CLASP2: variants seen among roughly 807,000 people sequenced by gnomAD.
CLASP2 encodes cytoplasmic linker associated protein 2.
In CLASP2, 47 loss-of-function variants were observed where a neutral mutation model predicts 194.4. The ratio of observed to expected loss-of-function variants is 0.24; its 90% CI spans 0.19 to 0.31. The LOEUF (loss-of-function observed/expected upper bound fraction) is 0.31. Ranked by LOEUF, CLASP2 falls within the 10% of genes least tolerant of loss-of-function variation. The pLI is 1.00. For synonymous variants in CLASP2, 619 were observed against 633.5 expected, an observed-to-expected ratio of 0.98 and a Z score of 0.34; for missense variants, 1,445 against 1,823.6, an observed-to-expected ratio of 0.79 and a Z score of 3.78.
rs372366858 is a variant in CLASP2 at position 33,645,134 on chromosome 3, T to C, written c.716-231A>G. On this transcript the variant is annotated intron_variant, in intron 7 of 38. Coordinates refer to ENST00000682230, the MANE Select transcript of CLASP2 (RefSeq NM_001365631.1). Reference sequence around the variant, plus strand: ...TTTTCATACTTCTTACTTATACATATTAAGTCAAAACATAAAACATTTTAA... The same window carrying C: ...TTTTCATACTTCTTACTTATACATACTAAGTCAAAACATAAAACATTTTAA... 1.4e-5 allele frequency: 10 copies of C among 694,468 alleles called. No homozygotes were observed. Among genetic ancestry groups the C allele is most frequent in the South Asian group, 6.4e-5 (4 of 62,684 alleles). The allele number at this position is 694,468 out of a possible 1,614,324, so 43.0% of individuals were successfully genotyped here.
chr3:33,529,951 G>A (rs2055772477), intron 34 of CLASP2, among the ~76,000 whole-genome samples: 1 of 131,404 alleles, frequency 7.6e-6, no homozygotes, highest in Non-Finnish European at 1.5e-5. Context: ...GCGGTCCGCA[G>A]TCCGGGCTGG....
chr3:33,581,962 G>A (rs2066255367), intron 22 of CLASP2, 34 bp from the exon 23 acceptor site: 1 of 1,438,538 alleles, frequency 7.0e-7, no homozygotes, highest in East Asian at 2.3e-5. Flanking sequence ...ACACAGTAAG[G>A]GAGAAAACAG....
intron 24 of CLASP2, among the ~76,000 whole-genome samples, chr3:33,575,607 G>A (rs972153344): frequency 3.2e-4 from 48 of 152,092 alleles, no homozygotes; most frequent in African/African-American, 8.9e-4. Flanking sequence ...CAAAAACAAC[G>A]ATATATGTAT....
chr3:33,565,917 AGTT>A (rs1381987993), intron 27 of CLASP2, among the ~76,000 whole-genome samples: 1 of 152,050 alleles, frequency 6.6e-6, no homozygotes, highest in Admixed American at 6.5e-5. Context: ...GGCTATTAGT[AGTT>A]ATGTTTTGGG....
intron 22 of CLASP2, among the ~76,000 whole-genome samples, chr3:33,583,408 T>G (rs577896273): frequency 8.5e-5 from 13 of 152,290 alleles, no homozygotes; most frequent in African/African-American, 2.6e-4. Context: ...ACAGGAACAC[T>G]CTCCTTCAAG....
chr3:33,624,166 C>A (rs1180242732), intron 10 of CLASP2, among the ~76,000 whole-genome samples: 1 of 152,060 alleles, frequency 6.6e-6, no homozygotes, highest in Non-Finnish European at 1.5e-5. Context: ...CACTTAGAAG[C>A]TAAAAGTCTA....
At chr3:33,567,777 T>C (rs183709708) in intron 26 of CLASP2, among the ~76,000 whole-genome samples, 2 of 152,184 alleles carry the variant, frequency 1.3e-5, no homozygotes, top group Non-Finnish European at 2.9e-5. Context: ...AGCTCCACTA[T>C]CCATACCTGT....
At chr3:33,604,034 T>C (rs1385029754) in intron 17 of CLASP2, 120 bp downstream of exon 17, 9 of 701,416 alleles carry the variant, frequency 1.3e-5, no homozygotes, top group Non-Finnish European at 2.0e-5. Flanking sequence ...ACAGTGCATA[T>C]GTGTGGTACT....
chr3:33,717,042 C>T (rs2093330751), intron 1 of CLASP2, among the ~76,000 whole-genome samples: 1 of 152,202 alleles, frequency 6.6e-6, no homozygotes, highest in African/African-American at 2.4e-5. Context: ...GGCCTCCCAA[C>T]GCGGCTACAT....
intron 34 of CLASP2, among the ~76,000 whole-genome samples, chr3:33,521,046 G>A (rs1236505038): frequency 6.6e-6 from 1 of 152,158 alleles, no homozygotes; most frequent in African/African-American, 2.4e-5. Flanking sequence ...CAGAATGCAA[G>A]GATGGGGACA....
intron 37 of CLASP2, chr3:33,504,106 G>A (rs990275231): frequency 6.6e-6 from 1 of 152,138 alleles, no homozygotes; most frequent in African/African-American, 2.4e-5. Flanking sequence ...TTGCAAGAAT[G>A]TTCTCCCATA....
chr3:33,631,651 T>C (rs1010011248), intron 9 of CLASP2, among the ~76,000 whole-genome samples: 3 of 150,572 alleles, frequency 2.0e-5, no homozygotes, highest in Admixed American at 6.7e-5. Flanking sequence ...GAGCCAAGAC[T>C]GTGCCACTGC....
chr3:33,673,214 G>A (rs1575480115), intron 6 of CLASP2, among the ~76,000 whole-genome samples: 1 of 152,230 alleles, frequency 6.6e-6, no homozygotes, highest in African/African-American at 2.4e-5. Context: ...TACCCACTAA[G>A]GGAAGCCCAA....
chr3:33,716,566 A>C (rs2093311543), intron 1 of CLASP2, among the ~76,000 whole-genome samples: 2 of 152,222 alleles, frequency 1.3e-5, no homozygotes, highest in African/African-American at 4.8e-5. Flanking sequence ...CTGTAGCATA[A>C]AATCAACTAT....
intron 12 of CLASP2, 49 bp from the exon 13 acceptor site, chr3:33,612,120 G>T: frequency 2.6e-6 from 3 of 1,158,026 alleles, no homozygotes; most frequent in African/African-American, 1.5e-5. Flanking sequence ...CACTTCATGT[G>T]GTCCTTTCTT....
rs1432396923 is a variant in CLASP2 at position 33,619,600 on chromosome 3, T to C, written c.1317+3A>G. The stretch of plus-strand genomic sequence containing the variant: ...GCAGTAGAAAACGAGAGAGCAAACC[T>C]ACCCGAATGATAAATCTGATTGCTG... On this transcript the variant is annotated splice_donor_region_variant and intron_variant, in intron 12 of 38. Transcript: ENST00000682230. 6.5e-7 allele frequency: 1 copy of C among 1,547,662 alleles called. No individual in the cohort carries two copies. The highest frequency in any genetic ancestry group is 2.0e-5 in the Admixed American group (1 of 50,350).
chr3:33,712,334 T>C (rs1262555188), intron 1 of CLASP2, among the ~76,000 whole-genome samples: 2 of 151,994 alleles, frequency 1.3e-5, no homozygotes, highest in African/African-American at 2.4e-5. Context: ...AATGATAAAA[T>C]AAACTTTGGG....
chr3:33,604,905 T>A (rs577922552), intron 16 of CLASP2, among the ~76,000 whole-genome samples: 1 of 152,298 alleles, frequency 6.6e-6, no homozygotes, highest in African/African-American at 2.4e-5. Context: ...CACTAGCACA[T>A]AGGCAACTCA....
intron 34 of CLASP2, among the ~76,000 whole-genome samples, chr3:33,523,481 C>T (rs777388478): frequency 1.3e-5 from 2 of 152,106 alleles, no homozygotes; most frequent in African/African-American, 4.8e-5. Context: ...TCATTAGAAA[C>T]GTTGGAGGTC....
Sources: gnomAD v4.1 joint callset for allele counts (sites outside exome capture counted in the v4.1 genomes callset) on GRCh38, gnomAD v4.1.1 for gene constraint, MANE v1.5 for transcripts, NCBI Gene and HGNC (gene_info 2026-07-23, HGNC 2026-07-21) for gene names.